EMSY: variants seen among roughly 807,000 people sequenced by gnomAD.
The protein encoded by EMSY is BRCA2-interacting transcriptional repressor EMSY.
A neutral mutation model predicts 134.6 loss-of-function variants in EMSY; 26 were observed. The observed-to-expected ratio is 0.19, with a 90% CI of 0.14 to 0.27. The LOEUF is 0.27. Among genes scored for constraint, EMSY ranks in the 10% least tolerant of loss-of-function variants. EMSY has a pLI of 1.00. For missense variants in EMSY, 1,305 were observed against 1,611.4 expected (o/e 0.81, Z 3.26); for synonymous variants, 579 against 577.8 (o/e 1.00, Z -0.03).
At chr11:76,490,669 G>A (rs1047077007) in intron 8 of EMSY, among the ~76,000 whole-genome samples, 3 of 152,012 alleles carry the variant, frequency 2.0e-5, no homozygotes, top group African/African-American at 7.3e-5. Flanking sequence ...CTTCAAACTG[G>A]TGATTTTCTT....
chr11:76,526,383 C>A, intron 12 of EMSY, 79 bp from the exon 14 acceptor site: 2 of 1,076,990 alleles, frequency 1.9e-6, no homozygotes, highest in South Asian at 4.7e-5. Context: ...CCTGGTAAAA[C>A]CTTACTGATT....
At chr11:76,518,163 C>CT (rs1950512167) in intron 11 of EMSY, among the ~76,000 whole-genome samples, 1 of 119,346 alleles carries the variant, frequency 8.4e-6, no homozygotes, top group African/African-American at 3.0e-5. Context: ...AAAAGAAGTA[C>CT]TTTCTTTTTT....
chr11:76,515,342 C>G (rs1363406297), intron 10 of EMSY, among the ~76,000 whole-genome samples: 2 of 151,378 alleles, frequency 1.3e-5, no homozygotes, highest in Non-Finnish European at 2.9e-5. Flanking sequence ...GCTATTGATG[C>G]TTAATTTAGG....
intron 7 of EMSY, among the ~76,000 whole-genome samples, chr11:76,464,921 G>T (rs1948288446): frequency 6.6e-6 from 1 of 152,176 alleles, no homozygotes; most frequent in African/African-American, 2.4e-5. Context: ...TTGTTGCTCT[G>T]TTGGCTTCCG....
At chr11:76,541,672 C>T (rs775949335) in intron 17 of EMSY, among the ~76,000 whole-genome samples, 8 of 152,170 alleles carry the variant, frequency 5.3e-5, no homozygotes, top group Non-Finnish European at 1.5e-5. Context: ...ATCACCCAGA[C>T]CTTTAGATTT....
chr11:76,538,082 C>A, intron 16 of EMSY, 132 bp downstream of exon 17: 1 of 773,328 alleles, frequency 1.3e-6, no homozygotes, highest in African/African-American at 1.8e-5. Flanking sequence ...AGCAAATTCA[C>A]ACCATCCTTG....
chr11:76,496,427 C>G (rs2135808524), exon 9 of EMSY: 1 of 1,614,056 alleles, frequency 6.2e-7, no homozygotes. Flanking sequence ...GTCTCCTTTG[C>G]CACCTGGTAT....
chr11:76,527,136 G>T (rs552739578), intron 13 of EMSY, among the ~76,000 whole-genome samples: 41 of 152,198 alleles, frequency 2.7e-4, no homozygotes, highest in Admixed American at 1.8e-3. Flanking sequence ...TGAGGCTCAG[G>T]ATCTAATCAT....
intron 2 of EMSY, among the ~76,000 whole-genome samples, chr11:76,447,959 A>G (rs574927764): frequency 2.0e-5 from 3 of 152,334 alleles, no homozygotes; most frequent in African/African-American, 7.2e-5. Context: ...TTTAAAGGAA[A>G]AGTATAGGTC....
chr11:76,482,978 A>G (rs1949040459), intron 8 of EMSY, among the ~76,000 whole-genome samples: 2 of 152,224 alleles, frequency 1.3e-5, no homozygotes, highest in Non-Finnish European at 2.9e-5. Flanking sequence ...GAATGAAGGA[A>G]AAAATGTTAA....
chr11:76,523,836 GGAGTT>G (rs1307320604), intron 12 of EMSY, among the ~76,000 whole-genome samples: 6 of 150,742 alleles, frequency 4.0e-5, no homozygotes, highest in African/African-American at 1.2e-4. Context: ...CTTTAGCCCA[GGAGTT>G]CAAGACCAGC....
intron 6 of EMSY, chr11:76,460,658 G>T (rs1341315050): frequency 2.6e-5 from 4 of 151,388 alleles, no homozygotes; most frequent in Non-Finnish European, 5.9e-5. Context: ...TTAAGACAAT[G>T]TTGCTTTATA....
At chr11:76,550,724 T>A (rs1951813058) in exon 21 of EMSY, 2 of 152,394 alleles carry the variant, frequency 1.3e-5, no homozygotes, top group Non-Finnish European at 1.5e-5. Context: ...GGAGGTACTT[T>A]TTGGGTGGCT....
At chr11:76,521,921 A>G (rs1397429916) in intron 11 of EMSY, among the ~76,000 whole-genome samples, 1 of 151,988 alleles carries the variant, frequency 6.6e-6, no homozygotes, top group Non-Finnish European at 1.5e-5. Context: ...AAAAATCAAA[A>G]AGTAAGGTGG....
chr11:76,508,194 C>T (rs1455120979), intron 9 of EMSY, among the ~76,000 whole-genome samples: 1 of 152,086 alleles, frequency 6.6e-6, no homozygotes, highest in East Asian at 1.9e-4. Context: ...TTAATAAGAC[C>T]TGAAAGTTGA....
intron 5 of EMSY, 98 bp downstream of exon 6, chr11:76,458,456 T>C: frequency 8.0e-7 from 1 of 1,257,294 alleles, no homozygotes; most frequent in Non-Finnish European, 1.1e-6. Context: ...ACTTTTATTC[T>C]AGTGTTTAAA....
At chr11:76,513,683 A>C in intron 10 of EMSY, 148 bp downstream of exon 11, 3 of 734,472 alleles carry the variant, frequency 4.1e-6, no homozygotes. Context: ...ACCCCTACTG[A>C]CTGCCCTGAC....
chr11:76,496,225 A>G (rs1949649723), exon 9 of EMSY: 2 of 1,613,888 alleles, frequency 1.2e-6, no homozygotes, highest in South Asian at 2.2e-5. Flanking sequence ...GTGTATCTAC[A>G]TCAGCAATCA....
intron 2 of EMSY, among the ~76,000 whole-genome samples, chr11:76,451,452 AT>A (rs1348074093): frequency 1.3e-5 from 2 of 152,216 alleles, no homozygotes; most frequent in Non-Finnish European, 2.9e-5. Flanking sequence ...TATAGTTTGA[AT>A]TCTTAGGCAA....
Sources: gnomAD v4.1 joint callset for allele counts (sites outside exome capture counted in the v4.1 genomes callset) on GRCh38, gnomAD v4.1.1 for gene constraint, MANE v1.5 for transcripts, NCBI Gene and HGNC (gene_info 2026-07-23, HGNC 2026-07-21) for gene names.